The following NSUN6 variants were observed in gnomAD, a reference collection of about 807,000 sequenced individuals.
NSUN6 encodes NOP2/Sun RNA methyltransferase 6.
NSUN6 carries 64 observed loss-of-function variants against 58.0 expected under a neutral mutation model. That is an observed-to-expected ratio of 1.10 (90% CI 0.90 to 1.36). NSUN6 has a LOEUF of 1.36. Among genes scored for constraint, NSUN6 ranks in the 40% most tolerant of loss-of-function variants. The pLI is 0.00. For missense variants in NSUN6, 701 were observed against 550.1 expected, an observed-to-expected ratio of 1.27 and a Z score of -2.74; for synonymous variants, 231 against 193.9, an observed-to-expected ratio of 1.19 and a Z score of -1.59.
At chr10:18,651,081 A>G in intron 1 of NSUN6, 48 bp downstream of exon 1, 1 of 1,570,510 alleles carries the variant, frequency 6.4e-7, no homozygotes, top group Non-Finnish European at 8.6e-7. Context: ...GAGTGTGCGA[A>G]TATTTGAGTT....
In NSUN6 at chr10:18,622,037, GACACACACACACACAC is replaced by G. The variant is rs370576076; in HGVS notation, c.312-5760_312-5745del. Among the ~76,000 whole-genome samples, 7 of 148,448 alleles carry G rather than the reference GACACACACACACACAC, an allele frequency of 4.7e-5. No homozygotes were observed. The South Asian group carries it at 1.5e-3, about 32-fold the overall frequency. On this transcript the variant is annotated intron_variant, in intron 3 of 10. Transcript: ENST00000377304. ...CACATATATATATATATATACGAAT[GACACACACACACACAC>G]ACACACAGACACACACACACAAAAA...
intron 8 of NSUN6, among the ~76,000 whole-genome samples, chr10:18,560,574 G>A (rs549474990): frequency 6.6e-6 from 1 of 151,102 alleles, no homozygotes; most frequent in South Asian, 2.1e-4. Flanking sequence ...GAATGGAATG[G>A]AGGATGGTAT....
intron 3 of NSUN6, among the ~76,000 whole-genome samples, chr10:18,637,638 T>C (rs1483176979): frequency 3.9e-5 from 6 of 152,218 alleles, no homozygotes; most frequent in Non-Finnish European, 7.3e-5. Context: ...TATCAGTTTG[T>C]TCTGCAGACA....
chr10:18,579,061 A>T (rs1488628300), intron 8 of NSUN6, among the ~76,000 whole-genome samples: 2 of 152,186 alleles, frequency 1.3e-5, no homozygotes, highest in Non-Finnish European at 2.9e-5. Flanking sequence ...CACCAGAATG[A>T]CCCCCAGACA....
At chr10:18,655,136 T>G, upstream of NSUN6, 1 of 982,876 alleles carries the variant, frequency 1.0e-6, no homozygotes, top group African/African-American at 1.7e-5. Context: ...TTGCCAGACT[T>G]AAATCCCTCG....
At chr10:18,614,383 A>T in intron 5 of NSUN6, 77 bp downstream of exon 5, 1 of 879,160 alleles carries the variant, frequency 1.1e-6, no homozygotes, top group South Asian at 2.7e-5. Context: ...ATGCAACTAG[A>T]TACATTTTAC....
rs1438807443 is a variant in NSUN6, at chr10:18,625,888, T to C, written c.312-9595A>G. On this transcript the variant is annotated intron_variant, in intron 3 of 10. Transcript: ENST00000377304. ...GGAAAAGTTTTTGGTGGGCCTTAGA[T>C]TTCTTCACAATAACATTTAATGCCA... Among the ~76,000 whole-genome samples, 6 of 152,166 alleles carry C rather than the reference T, an allele frequency of 3.9e-5. No homozygotes were observed. The East Asian group carries it at 1.2e-3, about 29-fold the overall frequency.
chr10:18,558,758 G>A (rs1270407120), intron 8 of NSUN6, among the ~76,000 whole-genome samples: 1 of 149,694 alleles, frequency 6.7e-6, no homozygotes, highest in Non-Finnish European at 1.5e-5. Flanking sequence ...ATGGAATGGA[G>A]GTTGTTAAGG....
upstream of NSUN6, chr10:18,653,288 T>C (rs1331493942): frequency 2.0e-6 from 2 of 980,076 alleles, no homozygotes; most frequent in East Asian, 1.1e-4. Flanking sequence ...AACATCTCTA[T>C]AAACTATGGA....
chr10:18,590,899 C>A (rs11815228), intron 7 of NSUN6, among the ~76,000 whole-genome samples: 32,968 of 151,846 alleles, frequency 0.22, 3,957 homozygotes, highest in South Asian at 0.35. Flanking sequence ...ATAACTAGAG[C>A]AGAAATGAAG....
At position 18,649,240 on chromosome 10, in the gene NSUN6, C is replaced by T. The variant is rs572986357; in HGVS notation, c.76-595G>A. On this transcript the variant is annotated intron_variant, in intron 1 of 10. Coordinates refer to ENST00000377304, the MANE Select transcript of NSUN6 (RefSeq NM_182543.5). Reference sequence around the variant, plus strand: ...TAGCAAAGACACCTGTCAAATATGACGGTATAAAGACTCAACAATATTCCC... The same window carrying T: ...TAGCAAAGACACCTGTCAAATATGATGGTATAAAGACTCAACAATATTCCC... Among the ~76,000 whole-genome samples the T allele has an allele frequency of 5.9e-5, 9 of 152,044 alleles. No homozygotes were observed. In the South Asian group the frequency reaches 6.2e-4, roughly 11 times the overall value.
chr10:18,557,039 G>C (rs899229875), intron 8 of NSUN6, among the ~76,000 whole-genome samples: 4 of 151,424 alleles, frequency 2.6e-5, no homozygotes, highest in Admixed American at 6.6e-5. Flanking sequence ...GAATGGAATG[G>C]AAAGTGGAAT....
chr10:18,640,860 A>T (rs1248279349), intron 3 of NSUN6, among the ~76,000 whole-genome samples: 1 of 146,984 alleles, frequency 6.8e-6, no homozygotes, highest in African/African-American at 2.5e-5. Context: ...TCTTATAGTA[A>T]AAAAAAAAAA....
chr10:18,657,819 G>A (rs1159335343), upstream of NSUN6, among the ~76,000 whole-genome samples: 1 of 151,780 alleles, frequency 6.6e-6, no homozygotes, highest in African/African-American at 2.4e-5. Flanking sequence ...TCACCATGTT[G>A]GCCAGGATGG....
chr10:18,600,612 T>A (rs1040417778), intron 6 of NSUN6, among the ~76,000 whole-genome samples: 16 of 150,914 alleles, frequency 1.1e-4, no homozygotes, highest in Admixed American at 2.0e-4. Flanking sequence ...AGACAAAGCC[T>A]CAATAAAACA....
chr10:18,555,679 T>C (rs1472938748), intron 8 of NSUN6, among the ~76,000 whole-genome samples: 5 of 94,548 alleles, frequency 5.3e-5, no homozygotes, highest in South Asian at 7.3e-4. Flanking sequence ...GATGATGGTA[T>C]GGAGAATGGA....
chr10:18,560,680 G>T (rs534190084), intron 8 of NSUN6, among the ~76,000 whole-genome samples: 1 of 148,842 alleles, frequency 6.7e-6, no homozygotes, highest in East Asian at 2.0e-4. Flanking sequence ...ATGGAATGGA[G>T]AATGGAATGG....
intron 3 of NSUN6, among the ~76,000 whole-genome samples, chr10:18,629,464 T>C (rs945143089): frequency 2.7e-5 from 4 of 150,274 alleles, no homozygotes; most frequent in African/African-American, 9.8e-5. Flanking sequence ...ACTGGCAAAT[T>C]GGATAAAGAG....
At chr10:18,553,832 T>C (rs1250222106) in intron 8 of NSUN6, among the ~76,000 whole-genome samples, 1 of 146,256 alleles carries the variant, frequency 6.8e-6, no homozygotes, top group Non-Finnish European at 1.5e-5. Context: ...TAGAGTAGAA[T>C]AGAATAGAAT....
Sources: allele counts gnomAD v4.1 joint callset (sites outside exome capture counted in the v4.1 genomes callset), GRCh38; gene constraint gnomAD v4.1.1; transcripts MANE v1.5; gene names NCBI Gene and HGNC (gene_info 2026-07-23, HGNC 2026-07-21).